Variants in PPP1R12B observed in about 807,000 individuals in gnomAD.
PPP1R12B encodes the protein myosin phosphatase target subunit 2.
A neutral mutation model predicts 126.1 loss-of-function variants in PPP1R12B; 76 were observed. The ratio of observed to expected loss-of-function variants is 0.60; its 90% CI spans 0.50 to 0.73. The LOEUF is 0.73. Ranked by LOEUF, PPP1R12B falls within the 30% of genes least tolerant of loss-of-function variation. The pLI is 0.00. For missense variants in PPP1R12B, 1,052 were observed against 1,205.1 expected (o/e 0.87, Z 1.88); for synonymous variants, 356 against 434.7 (o/e 0.82, Z 2.25).
intron 22 of PPP1R12B, among the ~76,000 whole-genome samples, chr1:202,568,280 C>G (rs1688250447): frequency 6.6e-6 from 1 of 152,112 alleles, no homozygotes; most frequent in Non-Finnish European, 1.5e-5. Context: ...GGTCTTACGA[C>G]TTGAAACATG....
intron 18 of PPP1R12B, among the ~76,000 whole-genome samples, chr1:202,536,398 A>G (rs1684532636): frequency 6.6e-6 from 1 of 152,208 alleles, no homozygotes; most frequent in Non-Finnish European, 1.5e-5. Context: ...TAGAAAAGGT[A>G]TTGTAAAAAT....
rs185463607 is a variant in PPP1R12B, at chr1:202,408,237, A to C, written c.292-8550A>C. ...AAATGTTGGGTTTCACAGGGACCTCATCAATTAGTATTTCTATCCCAGTTT... is the reference window on the plus strand; with the variant it reads ...AAATGTTGGGTTTCACAGGGACCTCCTCAATTAGTATTTCTATCCCAGTTT... On this transcript the variant is annotated intron_variant, in intron 1 of 23. Transcript: ENST00000608999. Among the ~76,000 whole-genome samples, 91 of 152,284 alleles carry C rather than the reference A, an allele frequency of 6.0e-4. No individual in the cohort carries two copies. In the South Asian group the frequency reaches 0.011, roughly 18 times the overall value.
chr1:202,587,646 G>A lies in PPP1R12B; in HGVS notation c.*7086G>A, dbSNP rs1689897309. On this transcript the variant is annotated 3_prime_UTR_variant, in exon 24 of 24. Coordinates refer to ENST00000608999, the MANE Select transcript of PPP1R12B (RefSeq NM_002481.4). ...ACACTGATGGTGGGGAGCCTCTTAA[G>A]AGCCTCTAATGTTCTCCCAAAACCA... The A allele has an allele frequency of 6.6e-6, 1 of 152,242 alleles. No homozygotes were observed. Among genetic ancestry groups the A allele is most frequent in the African/African-American group, 2.4e-5 (1 of 41,448 alleles). The allele number at this position is 152,242 out of a possible 1,614,324, so 9.4% of individuals were successfully genotyped here. A position where few individuals can be genotyped will look rare whatever the true frequency, so the allele number is the denominator to read the frequency against.
chr1:202,562,310 C>T (rs754179471), intron 19 of PPP1R12B, among the ~76,000 whole-genome samples: 3 of 152,142 alleles, frequency 2.0e-5, no homozygotes, highest in Admixed American at 6.5e-5. Flanking sequence ...AAAAGGCATA[C>T]GTAGCATGCC....
In PPP1R12B at chr1:202,427,187, T is replaced by A. The variant is rs775379056; in HGVS notation, c.846+3T>A. 6.2e-7 allele frequency: 1 copy of A among 1,613,850 alleles called. No individual in the cohort carries two copies. The highest frequency in any genetic ancestry group is 8.5e-7 in the Non-Finnish European group (1 of 1,179,942). On this transcript the variant is annotated splice_donor_region_variant and intron_variant, in intron 5 of 23. Transcript: ENST00000608999. ...ACATGGATATTCGAAATAAACTGGT[T>A]AGTGAGCCTGAACCTCTAAAAGAAC...
At chr1:202,453,288 A>C (rs1399574569) in intron 13 of PPP1R12B, among the ~76,000 whole-genome samples, 1 of 152,062 alleles carries the variant, frequency 6.6e-6, no homozygotes, top group Non-Finnish European at 1.5e-5. Flanking sequence ...ACATTGATTG[A>C]CTTGTGTATC....
chr1:202,481,417 T>G (rs1430967057), intron 13 of PPP1R12B, among the ~76,000 whole-genome samples: 1 of 152,220 alleles, frequency 6.6e-6, no homozygotes, highest in Admixed American at 6.5e-5. Context: ...AAACAATATA[T>G]TGACTGCATA....
chr1:202,478,683 A>G (rs901072519), intron 13 of PPP1R12B, among the ~76,000 whole-genome samples: 1 of 152,194 alleles, frequency 6.6e-6, no homozygotes, highest in African/African-American at 2.4e-5. Context: ...CAGTAAAATA[A>G]AAATGAGATT....
intron 13 of PPP1R12B, among the ~76,000 whole-genome samples, chr1:202,454,411 C>T (rs1225982283): frequency 2.0e-5 from 3 of 152,184 alleles, no homozygotes; most frequent in African/African-American, 7.2e-5. Flanking sequence ...TGGATATGTT[C>T]TAGCATTCAT....
chr1:202,559,045 A>G (rs1403406147), intron 19 of PPP1R12B, 152 bp downstream of exon 19: 2 of 823,726 alleles, frequency 2.4e-6, no homozygotes, highest in Non-Finnish European at 3.7e-6. Flanking sequence ...TCAGACTTTT[A>G]TTACCTCCTG....
chr1:202,375,845 C>T (rs546075066), intron 1 of PPP1R12B, among the ~76,000 whole-genome samples: 1 of 152,330 alleles, frequency 6.6e-6, no homozygotes, highest in African/African-American at 2.4e-5. Context: ...GCATCCCGCC[C>T]CCACTTTGTT....
intron 23 of PPP1R12B, chr1:202,575,364 A>T (rs1479115095): frequency 3.8e-6 from 2 of 532,226 alleles, no homozygotes; most frequent in Non-Finnish European, 3.2e-6. Flanking sequence ...CAGCTGGGCT[A>T]CCAATATATT....
chr1:202,399,798 T>C (rs1261766013), intron 1 of PPP1R12B, among the ~76,000 whole-genome samples: 2 of 152,144 alleles, frequency 1.3e-5, no homozygotes, highest in African/African-American at 2.4e-5. Flanking sequence ...GCCTGGCCGA[T>C]ATTTGTTTTT....
chr1:202,564,420 C>A, intron 20 of PPP1R12B, 23 bp from the exon 21 acceptor site: 3 of 1,559,798 alleles, frequency 1.9e-6, no homozygotes, highest in Non-Finnish European at 2.6e-6. Context: ...GAACGCTGAT[C>A]CTCTTTTTTC....
Position 202,413,911 on chromosome 1 carries a change from C to G in PPP1R12B, c.292-2876C>G, listed in dbSNP as rs113927873. Among the ~76,000 whole-genome samples, 275 of 152,126 alleles carry G rather than the reference C, an allele frequency of 1.8e-3. 2 individuals are homozygous for G. Among genetic ancestry groups the G allele is most frequent in the African/African-American group, 6.5e-3 (268 of 41,496 alleles). On this transcript the variant is annotated intron_variant, in intron 1 of 23. Transcript: ENST00000608999. ...TTTTTCTTGGATATTATACCAAACT[C>G]CAACAAGTGATGGTTCGTTTCCTTT...
intron 2 of PPP1R12B, 116 bp downstream of exon 2, chr1:202,417,033 TTA>T: frequency 8.2e-7 from 1 of 1,223,976 alleles, no homozygotes; most frequent in East Asian, 2.9e-5. Context: ...TTATTACAGA[TTA>T]CAAAAGCAGA....
At chr1:202,439,225 T>A in intron 10 of PPP1R12B, 1 of 1,402,082 alleles carries the variant, frequency 7.1e-7, no homozygotes, top group Middle Eastern at 1.8e-4. Context: ...GCAGCCTCGT[T>A]GGAGCACCAT....
chr1:202,501,458 A>G (rs1572298130), intron 18 of PPP1R12B, among the ~76,000 whole-genome samples: 1 of 152,130 alleles, frequency 6.6e-6, no homozygotes, highest in Non-Finnish European at 1.5e-5. Context: ...ATCCTGTTGT[A>G]TAATTGAATT....
Position 202,587,501 on chromosome 1 carries a change from A to C in PPP1R12B, c.*6941A>C, listed in dbSNP as rs1361230252. 9.7e-6 allele frequency: 1 copy of C among 103,454 alleles called. No individual in the cohort carries two copies. The highest frequency in any genetic ancestry group is 2.4e-5 in the Non-Finnish European group (1 of 41,398). 6.4% of individuals were successfully genotyped at this position (103,454 alleles called of 1,614,324 possible). On this transcript the variant is annotated 3_prime_UTR_variant, in exon 24 of 24. Coordinates refer to ENST00000608999, the MANE Select transcript of PPP1R12B (RefSeq NM_002481.4). ...CATGTCTGGTTTACTCTTTATCCTG[A>C]GACTGTTTATAGCTTAAAACAGAAG... is the stretch of plus-strand genomic sequence containing the variant.
Sources: allele counts gnomAD v4.1 joint callset (sites outside exome capture counted in the v4.1 genomes callset), GRCh38; gene constraint gnomAD v4.1.1; transcripts MANE v1.5; gene names NCBI Gene and HGNC (gene_info 2026-07-23, HGNC 2026-07-21).